Variants in GMPPB observed in about 807,000 individuals in gnomAD.
GMPPB encodes the protein mannose-1-phosphate guanylyltransferase catalytic subunit beta.
Under a neutral mutation model 40.3 loss-of-function variants are expected in GMPPB, and 38 were observed. That is an observed-to-expected ratio of 0.94 (90% CI 0.73 to 1.24). The LOEUF is 1.24. GMPPB is among the 50% of genes most tolerant of loss of function. The pLI is 0.00. For synonymous variants in GMPPB, 193 were observed against 191.8 expected, an observed-to-expected ratio of 1.01 and a Z score of -0.05; for missense variants, 436 against 487.1, an observed-to-expected ratio of 0.90 and a Z score of 0.99.
chr3:49,723,523 C>T (rs757442379), intron 1 of GMPPB, 51 bp from the exon 2 acceptor site: 1 of 1,611,702 alleles, frequency 6.2e-7, no homozygotes. Flanking sequence ...TACGGGAGCC[C>T]CTGACCCCTA....
chr3:49,720,387 A>G lies in GMPPB; in HGVS notation c.*1365T>C. The G allele has an allele frequency of 1.1e-6, 1 of 948,370 alleles. No individual in the cohort carries two copies. The highest frequency in any genetic ancestry group is 2.5e-5 in the South Asian group (1 of 39,344). 58.7% of individuals were successfully genotyped at this position (948,370 alleles called of 1,614,324 possible). A position where few individuals can be genotyped will look rare whatever the true frequency, so the allele number is the denominator to read the frequency against. On this transcript the variant is annotated 3_prime_UTR_variant, in exon 9 of 9. Transcript: ENST00000308388. The stretch of plus-strand genomic sequence containing the variant: ...AGGACTTGGGGTTTGGGAAGCAGGG[A>G]GACGGAAAGGATGCAGGGGGGGTGA...
intron 4 of GMPPB, 46 bp downstream of exon 4, chr3:49,722,926 G>A: frequency 6.3e-7 from 1 of 1,598,988 alleles, no homozygotes; most frequent in Non-Finnish European, 8.6e-7. Flanking sequence ...GGGAGGCTGG[G>A]CATGGAGGGT....
At position 49,722,432 on chromosome 3, in the gene GMPPB, C is replaced by T; in HGVS notation, c.640G>A (p.Gly214Ser). The part of the protein sequence containing the change: ...EGQLYAMELQ[G>S]FWMDIGQPKD... ...CCACCCTGTGGCCTCCCTGCCTCACCCTGTAACTCCATGGCATATAGCTGC... is the reference window on the plus strand; with the variant it reads ...CCACCCTGTGGCCTCCCTGCCTCACTCTGTAACTCCATGGCATATAGCTGC... Residue 214 changes from glycine to serine, a missense_variant and splice_region_variant, in exon 6 of 9, where the codon GGC becomes AGC. By Grantham distance (56) the Gly-to-Ser change is moderately conservative. Transcript: ENST00000308388. 1 of 1,614,206 alleles carries T rather than the reference C, an allele frequency of 6.2e-7. No homozygotes were observed. The highest frequency in any genetic ancestry group is 8.5e-7 in the Non-Finnish European group (1 of 1,180,040).
rs1360001865 is a variant in GMPPB at position 49,723,582 on chromosome 3, C to G, written c.129+16G>C. ...CCAGATCCGAACGCGACTCTGATCC[C>G]GACCCAGGGTCTTACCGCGGCTAGC... On this transcript the variant is annotated intron_variant, in intron 1 of 8. Transcript: ENST00000308388. The G allele has an allele frequency of 1.2e-6, 2 of 1,602,120 alleles. No individual in the cohort carries two copies. The highest frequency in any genetic ancestry group is 1.7e-6 in the Non-Finnish European group (2 of 1,173,500).
At position 49,721,894 on chromosome 3, in the gene GMPPB, G is replaced by A. The variant is rs372736168; in HGVS notation, c.952-11C>T. On this transcript the variant is annotated splice_polypyrimidine_tract_variant and intron_variant, in intron 8 of 8. Coordinates refer to ENST00000308388, the MANE Select transcript of GMPPB (RefSeq NM_021971.4). ...GTTCTCCATGCGTACCTCCAGGAGA[G>A]GATAGGCCTTGTCAGGGAGGCAGGC... The A allele has an allele frequency of 6.2e-7, 1 of 1,614,014 alleles. No homozygotes were observed. Among genetic ancestry groups the A allele is most frequent in the East Asian group, 2.2e-5 (1 of 44,884 alleles).
In GMPPB at chr3:49,722,520, T is replaced by C. The variant is rs769914373; in HGVS notation, c.562-10A>G. ...TGGACGTAGGCTGCAGCTGTGGGAG[T>C]GGGCAGCTTGTGAGCAGGGTCATGG... On this transcript the variant is annotated splice_polypyrimidine_tract_variant and intron_variant, in intron 5 of 8. Coordinates refer to ENST00000308388, the MANE Select transcript of GMPPB (RefSeq NM_021971.4). The C allele has an allele frequency of 1.4e-5, 22 of 1,613,872 alleles. No homozygotes were observed. Among genetic ancestry groups the C allele is most frequent in the Non-Finnish European group, 1.8e-5 (21 of 1,179,930 alleles).
Position 49,722,122 on chromosome 3 carries a change from T to C in GMPPB, c.794A>G (p.Asn265Ser). 1 of 1,612,466 alleles carries C rather than the reference T, an allele frequency of 6.2e-7. No homozygotes were observed. The highest frequency in any genetic ancestry group is 8.5e-7 in the Non-Finnish European group (1 of 1,179,126). Reference protein sequence around the residue: ...LVDPSARIGQNCSIGPNVSLG... With the variant: ...LVDPSARIGQSCSIGPNVSLG... ...GCTCACATTGGGGCCAATGCTGCAGTTCTGGCCGATGCGGGCACTTGGGTC... is the reference window on the plus strand; with the variant it reads ...GCTCACATTGGGGCCAATGCTGCAGCTCTGGCCGATGCGGGCACTTGGGTC... The change falls in exon 8 of 9, where the codon AAC becomes AGC. Residue 265 changes from asparagine (N) to serine (S), a missense_variant. Transcript: ENST00000308388.
At position 49,720,604 on chromosome 3, in the gene GMPPB, T is replaced by C. The variant is rs746760674; in HGVS notation, c.*1148A>G. The C allele has an allele frequency of 5.0e-6, 8 of 1,610,270 alleles. No homozygotes were observed. The highest frequency in any genetic ancestry group is 5.9e-6 in the Non-Finnish European group (7 of 1,177,574). ...TGGGACAGCCAGAGCCCCCAGCACC[T>C]GGCACTGCTCTGCCAGCCCCTGACC... On this transcript the variant is annotated 3_prime_UTR_variant, in exon 9 of 9. Transcript: ENST00000308388.
chr3:49,721,780 G>A lies in GMPPB; in HGVS notation c.1055C>T (p.Ser352Leu). 1.9e-6 allele frequency: 3 copies of A among 1,609,216 alleles called. No individual in the cohort carries two copies. The highest frequency in any genetic ancestry group is 2.5e-6 in the Non-Finnish European group (3 of 1,179,318). Residue 352 changes from serine to leucine, a missense_variant, in exon 9 of 9, where the codon TCA (serine) becomes TTA (leucine). Coordinates refer to ENST00000308388, the MANE Select transcript of GMPPB (RefSeq NM_021971.4). ...SVLPHKSIGE[S>L]VPEPRIIM is the part of the protein sequence containing the mutation. ...CATGATGATACGAGGCTCTGGCACT[G>A]ACTCGCCAATAGACTTGTGGGGCAG... is the stretch of plus-strand genomic sequence containing the variant.
chr3:49,723,039 A>C lies in GMPPB; in HGVS notation c.335T>G (p.Ile112Ser). Residue 112 changes from isoleucine to serine, a missense_variant, in exon 4 of 9, where the codon ATC becomes AGC. By Grantham distance (142) the Ile-to-Ser change is moderately radical. Transcript: ENST00000308388. ...CATGGCTTGGAAGGGGAAATCGCAG[A>C]TCACGTCACTGTTGAGGACGAAGAA... ...DPFFVLNSDVICDFPFQAMVQ... is the reference protein window; with the variant it reads ...DPFFVLNSDVSCDFPFQAMVQ... The C allele has an allele frequency of 1.2e-6, 2 of 1,613,650 alleles. No homozygotes were observed. The highest frequency in any genetic ancestry group is 1.7e-6 in the Non-Finnish European group (2 of 1,179,778).
In GMPPB at chr3:49,722,583, G is replaced by A; in HGVS notation, c.561+13C>T. ...GCCCCACCCCAGCCCACCAACAGCT[G>A]TCTCCTACACACCTGGATGCGCTGC... is the stretch of plus-strand genomic sequence containing the variant. On this transcript the variant is annotated intron_variant, in intron 5 of 8. Transcript: ENST00000308388. 1.9e-6 allele frequency: 3 copies of A among 1,613,622 alleles called. No homozygotes were observed. Among genetic ancestry groups the A allele is most frequent in the South Asian group, 1.1e-5 (1 of 91,058 alleles).
chr3:49,721,032 G>A lies in GMPPB; in HGVS notation c.*720C>T, dbSNP rs757051847. On this transcript the variant is annotated 3_prime_UTR_variant, in exon 9 of 9. Transcript: ENST00000308388. Reference sequence around the variant, plus strand: ...CTCCTCCCTGCAGCCCACCAGTGAGGAGGACCTCTGCCCCATCTGCTATGC... The same window carrying A: ...CTCCTCCCTGCAGCCCACCAGTGAGAAGGACCTCTGCCCCATCTGCTATGC... The A allele has an allele frequency of 6.2e-7, 1 of 1,612,472 alleles. No individual in the cohort carries two copies. The highest frequency in any genetic ancestry group is 8.5e-7 in the Non-Finnish European group (1 of 1,178,920).
At position 49,720,767 on chromosome 3, in the gene GMPPB, A is replaced by C. The variant is rs1332733453; in HGVS notation, c.*985T>G. On this transcript the variant is annotated 3_prime_UTR_variant, in exon 9 of 9. Transcript: ENST00000308388. ...TTCAAGAGGCATCACATCCTCAGCTACCTCTGACTTGACACTACCTACCAC... is the reference window on the plus strand; with the variant it reads ...TTCAAGAGGCATCACATCCTCAGCTCCCTCTGACTTGACACTACCTACCAC... 6.2e-7 allele frequency: 1 copy of C among 1,612,848 alleles called. No homozygotes were observed. The highest frequency in any genetic ancestry group is 1.7e-5 in the Admixed American group (1 of 59,998).
chr3:49,723,676 C>G lies in GMPPB; in HGVS notation c.51G>C (p.Leu17=), dbSNP rs2080461037. The G allele has an allele frequency of 1.3e-6, 2 of 1,584,610 alleles. No individual in the cohort carries two copies. The highest frequency in any genetic ancestry group is 3.6e-5 in the Admixed American group (2 of 55,048). Residue 17 remains leucine, a synonymous_variant, in exon 1 of 9, where the codon CTG becomes CTC. Coordinates refer to ENST00000308388, the MANE Select transcript of GMPPB (RefSeq NM_021971.4). ...CCAGTGGCTTCGGGGTGCTCAGCGT[C>G]AGCGGCCGTAGCCGCGTCCCATAGC... ...VGGYGTRLRP[L]TLSTPKPLVD... is the part of the protein sequence containing the mutation.
chr3:49,722,658 C>G lies in GMPPB; in HGVS notation c.499G>C (p.Val167Leu), dbSNP rs1382075638. ...HRFVEKPQVF[V>L]SNKINAGMYI... ...ATGCCTGCGTTGATCTTATTGGACACAAACACCTGTGGCTTCTCCACGAAC... is the reference window on the plus strand; with the variant it reads ...ATGCCTGCGTTGATCTTATTGGACAGAAACACCTGTGGCTTCTCCACGAAC... Residue 167 changes from valine to leucine, a missense_variant, in exon 5 of 9, where the codon GTG becomes CTG. By Grantham distance (32) the Val-to-Leu change is conservative. Coordinates refer to ENST00000308388, the MANE Select transcript of GMPPB (RefSeq NM_021971.4). The G allele has an allele frequency of 6.2e-7, 1 of 1,613,958 alleles. No homozygotes were observed. Among genetic ancestry groups the G allele is most frequent in the Non-Finnish European group, 8.5e-7 (1 of 1,180,056 alleles).
Position 49,720,660 on chromosome 3 carries a change from G to A in GMPPB, c.*1092C>T, listed in dbSNP as rs1315108639. On this transcript the variant is annotated 3_prime_UTR_variant, in exon 9 of 9. Coordinates refer to ENST00000308388, the MANE Select transcript of GMPPB (RefSeq NM_021971.4). ...CGCTTCTCCCTGCAGAGCTGTGAGT[G>A]GGCTGGTGGGGCAGGTCAGGGAAAT... 2.5e-6 allele frequency: 4 copies of A among 1,595,960 alleles called. No homozygotes were observed. Among genetic ancestry groups the A allele is most frequent in the South Asian group, 2.2e-5 (2 of 89,672 alleles).
rs375887616 is a variant in GMPPB, at chr3:49,723,581, C to T, written c.129+17G>A. 509 of 1,602,756 alleles carry T rather than the reference C, an allele frequency of 3.2e-4. No homozygotes were observed. Among genetic ancestry groups the T allele is most frequent in the Non-Finnish European group, 4.2e-4 (493 of 1,173,944 alleles). On this transcript the variant is annotated intron_variant, in intron 1 of 8. Transcript: ENST00000308388. Reference sequence around the variant, plus strand: ...GCCAGATCCGAACGCGACTCTGATCCCGACCCAGGGTCTTACCGCGGCTAG... The same window carrying T: ...GCCAGATCCGAACGCGACTCTGATCTCGACCCAGGGTCTTACCGCGGCTAG...
rs1173638722 is a variant in GMPPB, at chr3:49,723,763, G to A, written c.-37C>T. On this transcript the variant is annotated 5_prime_UTR_variant, in exon 1 of 9. Transcript: ENST00000308388. ...ACGTTGAGGGGGTGTCCCGGGCTCT[G>A]AGGTGCCTGCAGCCCGCCTGGCCGG... 2.6e-6 allele frequency: 4 copies of A among 1,544,466 alleles called. No homozygotes were observed. The highest frequency in any genetic ancestry group is 2.0e-5 in the Admixed American group (1 of 49,056).
At position 49,721,479 on chromosome 3, in the gene GMPPB, G is replaced by C. The variant is rs1315342472; in HGVS notation, c.*273C>G. ...CAGCCATGGCCCTAATTGTGCCTGA[G>C]CTTGACTTTCAGTCAGGGCCACAGT... On this transcript the variant is annotated 3_prime_UTR_variant, in exon 9 of 9. Transcript: ENST00000308388. 4.2e-6 allele frequency: 4 copies of C among 953,712 alleles called. No homozygotes were observed. The Admixed American group carries it at 5.2e-5, about 13-fold the overall frequency. The allele number at this position is 953,712 out of a possible 1,614,324, so 59.1% of individuals were successfully genotyped here.
Sources: allele counts gnomAD v4.1 joint callset, GRCh38; gene constraint gnomAD v4.1.1; transcripts MANE v1.5; gene names NCBI Gene and HGNC (gene_info 2026-07-23, HGNC 2026-07-21).